The following RIT2 variants were observed in gnomAD, a reference collection of about 807,000 sequenced individuals.
The protein encoded by RIT2 is Ras like without CAAX 2.
A neutral mutation model predicts 23.7 loss-of-function variants in RIT2; 24 were observed. The observed-to-expected ratio is 1.01, with a 90% CI of 0.73 to 1.43. The LOEUF (loss-of-function observed/expected upper bound fraction) is 1.43. Ranked by LOEUF, RIT2 falls within the 40% of genes most tolerant of loss-of-function variation. RIT2 has a pLI of 0.00. For missense variants in RIT2, 236 were observed against 266.9 expected (o/e 0.88, Z 0.81); for synonymous variants, 107 against 91.1 (o/e 1.17, Z -0.99).
intron 3 of RIT2, among the ~76,000 whole-genome samples, chr18:42,968,853 A>G (rs2144197066): frequency 6.6e-6 from 1 of 152,308 alleles, no homozygotes; most frequent in Middle Eastern, 3.4e-3. Flanking sequence ...CCTGTATTCG[A>G]GTCTAGTGTT....
Position 42,814,612 on chromosome 18 carries a change from T to A in RIT2, c.427-70892A>T, listed in dbSNP as rs958451430. ...TCAGATATGCCTAGCCCTGCCCTCA[T>A]CTGTTGGTCCTCTCTACCCACCATG... is the stretch of plus-strand genomic sequence containing the variant. On this transcript the variant is annotated intron_variant, in intron 4 of 4. Coordinates refer to ENST00000326695, the MANE Select transcript of RIT2 (RefSeq NM_002930.4). Among the ~76,000 whole-genome samples the A allele has an allele frequency of 3.3e-5, 5 of 152,102 alleles. No homozygotes were observed. In the South Asian group the frequency reaches 6.2e-4, roughly 19 times the overall value.
At chr18:42,980,281 T>TG (rs1910569361) in intron 2 of RIT2, among the ~76,000 whole-genome samples, 1 of 127,938 alleles carries the variant, frequency 7.8e-6, no homozygotes, top group East Asian at 3.5e-4. Context: ...AGAGCATGGA[T>TG]TTTTTCTCAT....
Position 42,844,267 on chromosome 18 carries a change from T to C in RIT2, c.426+79305A>G, listed in dbSNP as rs1906847474. Among the ~76,000 whole-genome samples, 3 of 152,148 alleles carry C rather than the reference T, an allele frequency of 2.0e-5. No individual in the cohort carries two copies. In the South Asian group the frequency reaches 6.2e-4, roughly 32 times the overall value. The stretch of plus-strand genomic sequence containing the variant: ...CATGGATAGCAGTGTATCAGCTCAG[T>C]TGGCCACTTGCCTTGTCACATGGGG... On this transcript the variant is annotated intron_variant, in intron 4 of 4. Transcript: ENST00000326695.
intron 1 of RIT2, among the ~76,000 whole-genome samples, chr18:43,057,673 G>T (rs1912537222): frequency 6.6e-6 from 1 of 151,486 alleles, no homozygotes; most frequent in African/African-American, 2.4e-5. Context: ...TTTAGTGTGG[G>T]TTTAAGATTA....
chr18:43,060,337 A>G (rs1393409776), intron 1 of RIT2, among the ~76,000 whole-genome samples: 1 of 152,144 alleles, frequency 6.6e-6, no homozygotes, highest in Non-Finnish European at 1.5e-5. Context: ...TGAGTAATAA[A>G]ACTTCCTCAC....
intron 1 of RIT2, among the ~76,000 whole-genome samples, chr18:43,088,157 T>G (rs1376337375): frequency 6.6e-6 from 1 of 152,168 alleles, no homozygotes; most frequent in Non-Finnish European, 1.5e-5. Flanking sequence ...TTAATCTCTC[T>G]TAGAGAAACT....
At chr18:42,947,251 G>T (rs1368262236) in intron 3 of RIT2, among the ~76,000 whole-genome samples, 1 of 152,070 alleles carries the variant, frequency 6.6e-6, no homozygotes, top group Non-Finnish European at 1.5e-5. Context: ...ATAGCTAGTG[G>T]TTCCATTTGG....
chr18:43,035,369 G>A (rs1911950092), intron 1 of RIT2, among the ~76,000 whole-genome samples: 1 of 152,146 alleles, frequency 6.6e-6, no homozygotes, highest in South Asian at 2.1e-4. Flanking sequence ...TAAACAAACT[G>A]AAAGCAACAT....
chr18:43,066,533 T>C (rs981718242), intron 1 of RIT2, among the ~76,000 whole-genome samples: 4 of 152,140 alleles, frequency 2.6e-5, no homozygotes, highest in South Asian at 2.1e-4. Context: ...AACTAGCATA[T>C]AGATAAGGCC....
intron 3 of RIT2, among the ~76,000 whole-genome samples, chr18:42,940,194 C>T (rs1388214112): frequency 3.6e-5 from 5 of 139,464 alleles, no homozygotes; most frequent in African/African-American, 1.4e-4. Context: ...TCTCCTACTT[C>T]TCTTCAAAGG....
chr18:42,775,163 G>A (rs1057214906), intron 4 of RIT2, among the ~76,000 whole-genome samples: 1 of 152,132 alleles, frequency 6.6e-6, no homozygotes, highest in African/African-American at 2.4e-5. Flanking sequence ...CAGTTTGGCT[G>A]AGGGTTCTGT....
Position 42,809,127 on chromosome 18 carries a change from A to C in RIT2, c.427-65407T>G, listed in dbSNP as rs191850067. Among the ~76,000 whole-genome samples, 420 of 152,254 alleles carry C rather than the reference A, an allele frequency of 2.8e-3. 2 individuals carry two copies. Among genetic ancestry groups the C allele is most frequent in the Admixed American group, 0.025 (388 of 15,294 alleles). ...GCATTATGTGATTAATAGAAATATG[A>C]AATTCGAGAAATTATTCTGACTATA... On this transcript the variant is annotated intron_variant, in intron 4 of 4. Coordinates refer to ENST00000326695, the MANE Select transcript of RIT2 (RefSeq NM_002930.4).
intron 1 of RIT2, among the ~76,000 whole-genome samples, chr18:43,035,132 T>C (rs1911945300): frequency 6.6e-6 from 1 of 152,174 alleles, no homozygotes; most frequent in Non-Finnish European, 1.5e-5. Flanking sequence ...TCAACAAACA[T>C]GTGGAATGCG....
intron 2 of RIT2, among the ~76,000 whole-genome samples, chr18:43,005,091 T>C (rs983866487): frequency 6.6e-6 from 1 of 151,834 alleles, no homozygotes; most frequent in Non-Finnish European, 1.5e-5. Flanking sequence ...TTATGACATA[T>C]AATTTTTAAA....
At chr18:43,073,531 C>T (rs1457961739) in intron 1 of RIT2, among the ~76,000 whole-genome samples, 2 of 152,152 alleles carry the variant, frequency 1.3e-5, no homozygotes, top group Non-Finnish European at 2.9e-5. Flanking sequence ...TATGCACTGT[C>T]TTCATATAAC....
chr18:42,743,751 C>A, intron 4 of RIT2, 31 bp from the exon 5 acceptor site: 1 of 1,492,710 alleles, frequency 6.7e-7, no homozygotes, highest in Non-Finnish European at 9.2e-7. Flanking sequence ...ATTAAAAAGA[C>A]AGAAAGAGAA....
intron 4 of RIT2, among the ~76,000 whole-genome samples, chr18:42,891,463 A>T (rs1908173347): frequency 6.6e-6 from 1 of 152,210 alleles, no homozygotes; most frequent in Non-Finnish European, 1.5e-5. Flanking sequence ...CTGCACATAG[A>T]TTCATGGTTG....
At chr18:43,055,553 A>G (rs962191256) in intron 1 of RIT2, among the ~76,000 whole-genome samples, 2 of 152,154 alleles carry the variant, frequency 1.3e-5, no homozygotes, top group Admixed American at 6.6e-5. Flanking sequence ...AAATATATTC[A>G]TCATTATCCA....
intron 2 of RIT2, among the ~76,000 whole-genome samples, chr18:43,009,473 T>C (rs1911301961): frequency 6.6e-6 from 1 of 151,628 alleles, no homozygotes; most frequent in Admixed American, 6.6e-5. Context: ...GCTTCCTCTT[T>C]CAATACAAAT....
Sources: gnomAD v4.1 joint callset for allele counts (sites outside exome capture counted in the v4.1 genomes callset) on GRCh38, gnomAD v4.1.1 for gene constraint, MANE v1.5 for transcripts, NCBI Gene and HGNC (gene_info 2026-07-23, HGNC 2026-07-21) for gene names.